The following ROBO1 variants were observed in gnomAD, a reference collection of about 807,000 sequenced individuals.
The protein encoded by ROBO1 is roundabout guidance receptor 1, also known as roundabout homolog 1.
ROBO1 carries 149 observed loss-of-function variants against 195.9 expected under a neutral mutation model. The observed-to-expected ratio is 0.76, with a 90% CI of 0.67 to 0.87. ROBO1 has a LOEUF of 0.87. Among genes scored for constraint, ROBO1 ranks in the 40% least tolerant of loss-of-function variants. The pLI, the probability that ROBO1 is intolerant of heterozygous loss-of-function variation, is 0.00. For synonymous variants in ROBO1, 816 were observed against 733.2 expected (o/e 1.11, Z -1.82); for missense variants, 1,933 against 2,068.3 (o/e 0.93, Z 1.27).
chr3:79,213,300 T>C (rs2081998366), intron 2 of ROBO1, among the ~76,000 whole-genome samples: 1 of 152,232 alleles, frequency 6.6e-6, no homozygotes, highest in East Asian at 1.9e-4. Flanking sequence ...TCATGGCATA[T>C]TGTGAACATA....
intron 4 of ROBO1, among the ~76,000 whole-genome samples, chr3:78,773,706 C>T (rs1449861508): frequency 6.6e-6 from 1 of 151,950 alleles, no homozygotes; most frequent in African/African-American, 2.4e-5. Context: ...CTAGACAATC[C>T]CCAAAACTCA....
intron 3 of ROBO1, among the ~76,000 whole-genome samples, chr3:79,032,512 A>G (rs1194710034): frequency 6.6e-6 from 1 of 152,036 alleles, no homozygotes; most frequent in Non-Finnish European, 1.5e-5. Context: ...TAAGATGAGA[A>G]GTTTTCTTTT....
rs1183510696 is a variant in ROBO1, at chr3:79,723,707, T to C, written c.-51+44045A>G. ...TAAGAGTCATATGAATAAAAATTAT[T>C]TCAATTTAATCACACAGTAAGAAGT... On this transcript the variant is annotated intron_variant, in intron 1 of 30. Coordinates refer to ENST00000464233, the MANE Select transcript of ROBO1 (RefSeq NM_002941.4). Among the ~76,000 whole-genome samples the C allele has an allele frequency of 2.6e-5, 4 of 152,206 alleles. No individual in the cohort carries two copies. The South Asian group carries it at 8.3e-4, about 31-fold the overall frequency.
intron 1 of ROBO1, among the ~76,000 whole-genome samples, chr3:79,613,624 G>A (rs866740474): frequency 6.6e-6 from 1 of 151,838 alleles, no homozygotes; most frequent in Non-Finnish European, 1.5e-5. Flanking sequence ...AAAAACAAGA[G>A]CCAATTATAT....
chr3:79,059,360 G>T (rs763028056), intron 3 of ROBO1, among the ~76,000 whole-genome samples: 4 of 151,998 alleles, frequency 2.6e-5, no homozygotes, highest in Non-Finnish European at 1.5e-5. Context: ...TAAGTCTACT[G>T]GGGGCTCCAC....
intron 3 of ROBO1, among the ~76,000 whole-genome samples, chr3:78,990,930 A>G (rs2077222065): frequency 6.6e-6 from 1 of 152,208 alleles, no homozygotes; most frequent in Non-Finnish European, 1.5e-5. Context: ...ATACAGTTAA[A>G]ATAAGTATAA....
chr3:79,467,699 G>T (rs538829138), intron 2 of ROBO1, among the ~76,000 whole-genome samples: 1 of 152,046 alleles, frequency 6.6e-6, no homozygotes, highest in Non-Finnish European at 1.5e-5. Context: ...CCATTTGTCC[G>T]TGTGACCTGA....
chr3:78,712,586 T>A (rs1477272159), intron 8 of ROBO1, among the ~76,000 whole-genome samples: 1 of 152,210 alleles, frequency 6.6e-6, no homozygotes, highest in Admixed American at 6.5e-5. Context: ...AGGCATATTT[T>A]ATTTTAATAT....
intron 3 of ROBO1, among the ~76,000 whole-genome samples, chr3:79,105,590 G>A (rs538656396): frequency 2.0e-5 from 3 of 151,828 alleles, no homozygotes; most frequent in Admixed American, 6.6e-5. Flanking sequence ...TGAATTTCAT[G>A]CCTGTGGTGA....
intron 10 of ROBO1, among the ~76,000 whole-genome samples, chr3:78,676,931 T>C (rs1223911755): frequency 6.6e-6 from 1 of 152,058 alleles, no homozygotes; most frequent in Non-Finnish European, 1.5e-5. Context: ...GAGAGAAAGG[T>C]CAGGTTACCC....
intron 2 of ROBO1, among the ~76,000 whole-genome samples, chr3:79,319,376 A>T (rs193115739): frequency 3.3e-4 from 50 of 152,246 alleles, no homozygotes; most frequent in African/African-American, 1.1e-3. Context: ...ATAATATTTT[A>T]AAAAGTTGAG....
intron 5 of ROBO1, among the ~76,000 whole-genome samples, chr3:78,725,455 T>A (rs1044087948): frequency 6.6e-6 from 1 of 152,192 alleles, no homozygotes; most frequent in Non-Finnish European, 1.5e-5. Context: ...ATCAGGAATT[T>A]TCCCTGTAAA....
chr3:79,575,218 TATATAAC>T (rs1560007391), intron 2 of ROBO1, among the ~76,000 whole-genome samples: 39 of 119,992 alleles, frequency 3.3e-4, no homozygotes, highest in African/African-American at 7.2e-4. Context: ...CAGATATATA[TATATAAC>T]AAATATATAT....
chr3:79,545,344 A>G (rs1942225861), intron 2 of ROBO1, among the ~76,000 whole-genome samples: 1 of 152,214 alleles, frequency 6.6e-6, no homozygotes, highest in African/African-American at 2.4e-5. Flanking sequence ...TAAAGCAGAC[A>G]GTGTGAGAAT....
At chr3:79,171,850 C>T (rs912427213) in intron 2 of ROBO1, among the ~76,000 whole-genome samples, 4 of 151,982 alleles carry the variant, frequency 2.6e-5, no homozygotes, top group African/African-American at 9.7e-5. Flanking sequence ...TGATATGTAA[C>T]ATTATTACTT....
intron 2 of ROBO1, among the ~76,000 whole-genome samples, chr3:79,500,304 AT>A (rs1011504145): frequency 4.6e-5 from 7 of 151,074 alleles, no homozygotes; most frequent in African/African-American, 1.5e-4. Flanking sequence ...TACTTTTTGT[AT>A]TTTTAGTAGA....
chr3:78,743,326 T>G (rs890801661), intron 5 of ROBO1, among the ~76,000 whole-genome samples: 1 of 152,040 alleles, frequency 6.6e-6, no homozygotes, highest in Non-Finnish European at 1.5e-5. Flanking sequence ...GAATTCTTAA[T>G]CCTCATCATT....
Position 78,661,032 on chromosome 3 carries a change from T to A in ROBO1, c.2318A>T (p.Glu773Val). 6.2e-7 allele frequency: 1 copy of A among 1,608,886 alleles called. No individual in the cohort carries two copies. Among genetic ancestry groups the A allele is most frequent in the Non-Finnish European group, 8.5e-7 (1 of 1,176,438 alleles). The change falls in exon 16 of 31, where the codon GAA becomes GTA. Residue 773 changes from glutamate to valine, a missense_variant and splice_region_variant. Glu to Val is a moderately radical substitution (Grantham distance 121). Around this residue, in one of 3 missense-constraint regions of ROBO1, gnomAD observed 1,737 missense variants for 1,882.5 expected, o/e 0.92. Coordinates refer to ENST00000464233, the MANE Select transcript of ROBO1 (RefSeq NM_002941.4). ...SEIKFAKTLE[E>V]APSAPPQGVT... is the part of the protein sequence containing the mutation. ...ATCAAACGCTTCATCATACTTGCCT[T>A]CTTCCAGGGTTTTGGCAAACTTGAT...
chr3:78,727,655 T>A (rs1272298749), intron 5 of ROBO1, among the ~76,000 whole-genome samples: 2 of 152,190 alleles, frequency 1.3e-5, no homozygotes, highest in African/African-American at 4.8e-5. Flanking sequence ...ATTAAATAAT[T>A]TCATGTTTTT....
Sources: gnomAD v4.1 joint callset for allele counts (sites outside exome capture counted in the v4.1 genomes callset) on GRCh38, gnomAD v4.1.1 for gene constraint, gnomAD v4.1.1 regional missense constraint, MANE v1.5 for transcripts, NCBI Gene and HGNC (gene_info 2026-07-23, HGNC 2026-07-21) for gene names.